Variants in TTC29 observed in about 807,000 individuals in gnomAD.
The protein encoded by TTC29 is tetratricopeptide repeat domain 29.
TTC29 carries 49 observed loss-of-function variants against 58.1 expected under a neutral mutation model. The observed-to-expected ratio is 0.84, with a 90% CI of 0.67 to 1.07. The LOEUF is 1.07. Ranked by LOEUF, TTC29 falls within the 50% of genes least tolerant of loss-of-function variation. TTC29 has a pLI of 0.00. For missense variants in TTC29, 582 were observed against 555.6 expected, an observed-to-expected ratio of 1.05 and a Z score of -0.48; for synonymous variants, 209 against 196.8, an observed-to-expected ratio of 1.06 and a Z score of -0.52.
chr4:146,895,995 T>G (rs1732743170), intron 6 of TTC29, among the ~76,000 whole-genome samples: 1 of 152,174 alleles, frequency 6.6e-6, no homozygotes, highest in African/African-American at 2.4e-5. Flanking sequence ...ATATTAAAAA[T>G]GCAGATAAAA....
intron 11 of TTC29, among the ~76,000 whole-genome samples, chr4:146,709,346 A>T (rs1742318205): frequency 1.3e-5 from 2 of 151,860 alleles, no homozygotes; most frequent in Admixed American, 1.3e-4. Flanking sequence ...TGGTATCCTG[A>T]CCCCAGCAAT....
intron 6 of TTC29, among the ~76,000 whole-genome samples, chr4:146,879,260 T>C (rs1284184765): frequency 6.6e-6 from 1 of 152,208 alleles, no homozygotes; most frequent in African/African-American, 2.4e-5. Context: ...TTAAAAGATA[T>C]GCCCATGCTA....
At chr4:146,813,434 A>G (rs1751164072) in intron 10 of TTC29, among the ~76,000 whole-genome samples, 4 of 152,238 alleles carry the variant, frequency 2.6e-5, no homozygotes. Context: ...ATTACATAGT[A>G]AAAGGTAAAT....
chr4:146,774,083 A>G (rs1168291396), intron 11 of TTC29, among the ~76,000 whole-genome samples: 2 of 152,054 alleles, frequency 1.3e-5, no homozygotes, highest in Non-Finnish European at 2.9e-5. Context: ...GTTGGAGGTC[A>G]TGACTCATTT....
chr4:146,816,167 G>A (rs1007111106), intron 10 of TTC29, among the ~76,000 whole-genome samples: 1 of 152,082 alleles, frequency 6.6e-6, no homozygotes, highest in African/African-American at 2.4e-5. Flanking sequence ...CAAAAAATTT[G>A]GAGGATTCTG....
chr4:146,873,131 G>A (rs33934478), intron 7 of TTC29, among the ~76,000 whole-genome samples: 54,347 of 151,954 alleles, frequency 0.36, 9,978 homozygotes, highest in South Asian at 0.43. Context: ...ATTGGCCAAC[G>A]GTTGGTGTCA....
chr4:146,846,992 G>C (rs1187858055), intron 8 of TTC29, among the ~76,000 whole-genome samples: 1 of 152,126 alleles, frequency 6.6e-6, no homozygotes, highest in East Asian at 1.9e-4. Flanking sequence ...TCCATATCAG[G>C]CTGTGTGAAC....
At chr4:146,914,901 A>C (rs1052475938) in intron 4 of TTC29, among the ~76,000 whole-genome samples, 1 of 152,172 alleles carries the variant, frequency 6.6e-6, no homozygotes, top group African/African-American at 2.4e-5. Flanking sequence ...GTGAATATAT[A>C]GAGATGCTGG....
At chr4:146,814,971 A>T (rs1174504627) in intron 10 of TTC29, among the ~76,000 whole-genome samples, 1 of 152,190 alleles carries the variant, frequency 6.6e-6, no homozygotes, top group African/African-American at 2.4e-5. Context: ...TGGAGTGGAT[A>T]AAAAGGAGTA....
At chr4:146,910,203 C>T (rs1247973759) in intron 4 of TTC29, among the ~76,000 whole-genome samples, 1 of 151,890 alleles carries the variant, frequency 6.6e-6, no homozygotes, top group African/African-American at 2.4e-5. Flanking sequence ...AAGATTGAGT[C>T]CAGTTTTGCC....
chr4:146,790,071 C>T (rs1749317792), intron 11 of TTC29, among the ~76,000 whole-genome samples: 1 of 152,176 alleles, frequency 6.6e-6, no homozygotes, highest in Non-Finnish European at 1.5e-5. Flanking sequence ...ATCTTCTCCC[C>T]ACCCTCCTAC....
chr4:146,895,329 A>T (rs1428346442), intron 6 of TTC29, among the ~76,000 whole-genome samples: 2 of 152,196 alleles, frequency 1.3e-5, no homozygotes, highest in Non-Finnish European at 2.9e-5. Flanking sequence ...GTGGATCCCA[A>T]TCCCAAGATC....
chr4:146,820,068 GAAATTTCTCCCTAAACACCGC>G, intron 10 of TTC29, 36 bp downstream of exon 10: 1 of 1,598,622 alleles, frequency 6.3e-7, no homozygotes. Context: ...TTTAAAATGG[GAAATTTCTCCCTAAACACCGC>G]AAATTTCTCT....
Position 146,728,839 on chromosome 4 carries a change from A to ATG in TTC29, c.1331-21289_1331-21288insCA, listed in dbSNP as rs1491454354. Among the ~76,000 whole-genome samples, 219 of 85,596 alleles carry ATG rather than the reference A, an allele frequency of 2.6e-3. 32 individuals carry two copies. The Middle Eastern group carries it at 0.037, about 15-fold the overall frequency. The allele number at this position is 85,596 out of a possible 152,430, so 56.2% of individuals were successfully genotyped here. A position where few individuals can be genotyped will look rare whatever the true frequency, so the allele number is the denominator to read the frequency against. ...TGTGTATATATACATATATATACACATATATATGTATATATATACACATAT... is the reference window on the plus strand; with the variant it reads ...TGTGTATATATACATATATATACACATGTATATATGTATATATATACACATAT... On this transcript the variant is annotated intron_variant, in intron 11 of 12. Coordinates refer to ENST00000325106, the MANE Select transcript of TTC29 (RefSeq NM_031956.4).
chr4:146,734,591 A>C (rs1744586275), intron 11 of TTC29, among the ~76,000 whole-genome samples: 1 of 152,198 alleles, frequency 6.6e-6, no homozygotes, highest in East Asian at 1.9e-4. Context: ...TGAACCCTCA[A>C]CCTGGGGAAT....
intron 10 of TTC29, among the ~76,000 whole-genome samples, chr4:146,805,286 A>G (rs58940660): frequency 0.062 from 9,493 of 152,190 alleles, 397 homozygotes; most frequent in Admixed American, 0.13. Context: ...GGAAAAAACC[A>G]CACAAAAAGG....
intron 11 of TTC29, among the ~76,000 whole-genome samples, chr4:146,711,446 G>C (rs1742485844): frequency 6.6e-6 from 1 of 152,074 alleles, no homozygotes; most frequent in Admixed American, 6.6e-5. Flanking sequence ...GACCCTGCAG[G>C]CTATTATTCC....
chr4:146,770,662 A>C (rs182843748), intron 11 of TTC29, among the ~76,000 whole-genome samples: 1 of 152,066 alleles, frequency 6.6e-6, no homozygotes, highest in African/African-American at 2.4e-5. Flanking sequence ...AGTGTGGTTC[A>C]AAGCATGGAT....
intron 8 of TTC29, among the ~76,000 whole-genome samples, chr4:146,850,498 TACA>T (rs1237315505): frequency 6.6e-6 from 1 of 152,190 alleles, no homozygotes; most frequent in African/African-American, 2.4e-5. Context: ...TGACCAAGAT[TACA>T]ACAATGGTGT....
Sources: allele counts gnomAD v4.1 joint callset (sites outside exome capture counted in the v4.1 genomes callset), GRCh38; gene constraint gnomAD v4.1.1; transcripts MANE v1.5; gene names NCBI Gene and HGNC (gene_info 2026-07-23, HGNC 2026-07-21).